The following PDE3A variants were observed in gnomAD, a reference collection of about 807,000 sequenced individuals.
PDE3A encodes the protein cGMP-inhibited 3',5'-cyclic phosphodiesterase 3A.
PDE3A carries 43 observed loss-of-function variants against 98.3 expected under a neutral mutation model. The observed-to-expected ratio is 0.44, with a 90% confidence interval of 0.34 to 0.56. PDE3A has a LOEUF of 0.56. Among genes scored for constraint, PDE3A ranks in the 20% least tolerant of loss-of-function variants. The pLI is 0.01. For missense variants in PDE3A, 1,427 were observed against 1,440.7 expected, an observed-to-expected ratio of 0.99 and a Z score of 0.15; for synonymous variants, 663 against 567.9, an observed-to-expected ratio of 1.17 and a Z score of -2.38.
chr12:20,406,561 C>T (rs1160594138), intron 1 of PDE3A, among the ~76,000 whole-genome samples: 3 of 152,094 alleles, frequency 2.0e-5, no homozygotes, highest in African/African-American at 7.2e-5. Context: ...AATCAAGTTA[C>T]TTATTTTTTG....
rs139863070 is a variant in PDE3A, at chr12:20,568,083, T to C, written c.1011+11373T>C. On this transcript the variant is annotated intron_variant, in intron 2 of 15. Transcript: ENST00000359062. ...GTAATATCTTCTTTAAATAGCATTA[T>C]AGGTTTAAGTACATCACCAACATCA... Among the ~76,000 whole-genome samples, 8 of 152,110 alleles carry C rather than the reference T, an allele frequency of 5.3e-5. No homozygotes were observed. The East Asian group carries it at 1.4e-3, about 26-fold the overall frequency.
chr12:20,470,152 G>T (rs1945412818), intron 1 of PDE3A, among the ~76,000 whole-genome samples: 1 of 151,422 alleles, frequency 6.6e-6, no homozygotes, highest in East Asian at 1.9e-4. Context: ...TAATCATTCA[G>T]TATCCTCCAT....
At chr12:20,623,153 G>A (rs537047928) in intron 5 of PDE3A, among the ~76,000 whole-genome samples, 8 of 152,194 alleles carry the variant, frequency 5.3e-5, no homozygotes, top group Non-Finnish European at 1.2e-4. Context: ...ACTGGGTAGA[G>A]AAAGATCGGA....
intron 1 of PDE3A, among the ~76,000 whole-genome samples, chr12:20,380,872 A>T (rs888768038): frequency 1.3e-5 from 2 of 151,872 alleles, no homozygotes; most frequent in African/African-American, 2.4e-5. Flanking sequence ...TAATTAAGCT[A>T]TTTGTGAGTT....
chr12:20,679,009 C>T (rs957527494), intron 15 of PDE3A, among the ~76,000 whole-genome samples: 1 of 151,998 alleles, frequency 6.6e-6, no homozygotes, highest in Admixed American at 6.5e-5. Flanking sequence ...AGTATATACT[C>T]TAGGAGGTAC....
Position 20,514,063 on chromosome 12 carries a change from A to C in PDE3A, c.961-42597A>C, listed in dbSNP as rs371967225. ...TGGCTGCACATTAAAATAACATGGGAATAGGTAAAAATCCCAGTGCCCAGG... is the reference window on the plus strand; with the variant it reads ...TGGCTGCACATTAAAATAACATGGGCATAGGTAAAAATCCCAGTGCCCAGG... On this transcript the variant is annotated intron_variant, in intron 1 of 15. Transcript: ENST00000359062. 4.6e-5 allele frequency among the ~76,000 whole-genome samples: 7 copies of C among 152,254 alleles called. No homozygotes were observed. The East Asian group carries it at 1.4e-3, about 29-fold the overall frequency.
intron 3 of PDE3A, among the ~76,000 whole-genome samples, chr12:20,615,646 C>T (rs1279235357): frequency 6.6e-6 from 1 of 151,976 alleles, no homozygotes. Flanking sequence ...AAAATTATCC[C>T]AGAGGCAATT....
chr12:20,524,998 G>T (rs1946489433), intron 1 of PDE3A, among the ~76,000 whole-genome samples: 1 of 152,126 alleles, frequency 6.6e-6, no homozygotes, highest in African/African-American at 2.4e-5. Flanking sequence ...CAGACATGGT[G>T]GTGCATGCCT....
rs397973436 is a variant in PDE3A, at chr12:20,398,038, G to GT, written c.960+27806dup. ...ATTCATCCCTCCATGAGAATGACAGGTTTTTTTTTTTTGTTTTTTTTTTCG... is the reference window on the plus strand; with the variant it reads ...ATTCATCCCTCCATGAGAATGACAGGTTTTTTTTTTTTTGTTTTTTTTTTCG... On this transcript the variant is annotated intron_variant, in intron 1 of 15. Coordinates refer to ENST00000359062, the MANE Select transcript of PDE3A (RefSeq NM_000921.5). Among the ~76,000 whole-genome samples the GT allele has an allele frequency of 4.7e-3, 615 of 132,182 alleles. 3 individuals are homozygous for GT. The highest frequency in any genetic ancestry group is 9.2e-3 in the African/African-American group (318 of 34,712). The allele number at this position is 132,182 out of a possible 152,430, so 86.7% of individuals were successfully genotyped here. A position where few individuals can be genotyped will look rare whatever the true frequency, so the allele number is the denominator to read the frequency against.
At chr12:20,373,646 T>G (rs1167494605) in intron 1 of PDE3A, among the ~76,000 whole-genome samples, 1 of 152,102 alleles carries the variant, frequency 6.6e-6, no homozygotes, top group African/African-American at 2.4e-5. Context: ...AATTTTATAT[T>G]TTTACCTGTG....
At position 20,683,798 on chromosome 12, in the gene PDE3A, C is replaced by T. The variant is rs1237196597; in HGVS notation, c.*3527C>T. On this transcript the variant is annotated 3_prime_UTR_variant, in exon 16 of 16. Transcript: ENST00000359062. ...GTATTTACTTCCTAAAAATAGAATT[C>T]CCGATTCTGTCTATTTTGGTTGAAT... is the stretch of plus-strand genomic sequence containing the variant. 1 of 152,054 alleles carries T rather than the reference C, an allele frequency of 6.6e-6. No individual in the cohort carries two copies. Among genetic ancestry groups the T allele is most frequent in the Non-Finnish European group, 1.5e-5 (1 of 67,990 alleles). The allele number at this position is 152,054 out of a possible 1,614,324, so 9.4% of individuals were successfully genotyped here.
intron 1 of PDE3A, among the ~76,000 whole-genome samples, chr12:20,532,035 AAGTGACAAAC>A (rs1436694609): frequency 6.6e-6 from 1 of 152,174 alleles, no homozygotes; most frequent in Non-Finnish European, 1.5e-5. Context: ...TCAGAGATGA[AAGTGACAAAC>A]AGCAAAATAT....
chr12:20,553,061 T>C, intron 1 of PDE3A: 1 of 1,119,980 alleles, frequency 8.9e-7, no homozygotes, highest in African/African-American at 1.5e-5. Flanking sequence ...GTCGGAGGGC[T>C]CGTTCATCGG....
intron 1 of PDE3A, among the ~76,000 whole-genome samples, chr12:20,395,831 G>T (rs1944007163): frequency 6.6e-6 from 1 of 151,340 alleles, no homozygotes; most frequent in South Asian, 2.1e-4. Context: ...TATTAACAGA[G>T]GTTATCAATG....
intron 15 of PDE3A, among the ~76,000 whole-genome samples, chr12:20,668,016 C>T (rs1037518874): frequency 5.9e-5 from 9 of 152,124 alleles, no homozygotes; most frequent in South Asian, 2.1e-4. Context: ...CAAAGCAGGG[C>T]GAGGCATTGC....
At chr12:20,424,971 T>A (rs1434150040) in intron 1 of PDE3A, among the ~76,000 whole-genome samples, 1 of 152,238 alleles carries the variant, frequency 6.6e-6, no homozygotes, top group Non-Finnish European at 1.5e-5. Context: ...AGTAATGAGA[T>A]GCTCTTAGTT....
chr12:20,631,697 T>C (rs994895311), intron 6 of PDE3A, among the ~76,000 whole-genome samples: 1 of 45,374 alleles, frequency 2.2e-5, no homozygotes, highest in East Asian at 7.5e-4. Context: ...TTCATCATAG[T>C]GTATTTTTTT....
At chr12:20,382,787 C>T (rs1943685352) in intron 1 of PDE3A, among the ~76,000 whole-genome samples, 2 of 151,956 alleles carry the variant, frequency 1.3e-5, no homozygotes, top group South Asian at 2.1e-4. Flanking sequence ...TCTTGTTAAA[C>T]ACTGTGCCCA....
At chr12:20,641,014 C>T (rs1944635102) in intron 10 of PDE3A, among the ~76,000 whole-genome samples, 1 of 152,024 alleles carries the variant, frequency 6.6e-6, no homozygotes, top group South Asian at 2.1e-4. Flanking sequence ...GCTGAAATTA[C>T]ATTAAAAAAT....
Sources: gnomAD v4.1 joint callset for allele counts (sites outside exome capture counted in the v4.1 genomes callset) on GRCh38, gnomAD v4.1.1 for gene constraint, MANE v1.5 for transcripts, NCBI Gene and HGNC (gene_info 2026-07-23, HGNC 2026-07-21) for gene names.